Variants in PSKH2 observed in about 807,000 individuals in gnomAD.
PSKH2 encodes the protein protein serine kinase H2, also known as serine/threonine-protein kinase H2.
In PSKH2, 16 loss-of-function variants were observed where a neutral mutation model predicts 22.5. The ratio of observed to expected loss-of-function variants is 0.71; its 90% confidence interval spans 0.48 to 1.08. The LOEUF (loss-of-function observed/expected upper bound fraction) is 1.08, where lower values mean the gene tolerates loss of function less well. Among genes scored for constraint, PSKH2 ranks in the 50% least tolerant of loss-of-function variants. The probability of loss-of-function intolerance (pLI) is 0.00; values close to 1 mark genes in which losing one functional copy is unlikely to be tolerated. For missense variants in PSKH2, 516 were observed against 492.8 expected, an observed-to-expected ratio of 1.05 and a Z score of -0.44; for synonymous variants, 188 against 184.8, an observed-to-expected ratio of 1.02 and a Z score of -0.14.
At position 86,069,478 on chromosome 8, in the gene PSKH2, C is replaced by A; in HGVS notation, c.145G>T (p.Ala49Ser). 2 of 1,603,078 alleles carry A rather than the reference C, an allele frequency of 1.2e-6. No individual in the cohort carries two copies. Among genetic ancestry groups the A allele is most frequent in the Non-Finnish European group, 8.5e-7 (1 of 1,176,474 alleles). Residue 49 changes from alanine to serine, a missense_variant, in exon 1 of 3, where the codon GCT (alanine) becomes TCT (serine). Transcript: ENST00000276616. The stretch of plus-strand genomic sequence containing the variant: ...GGGTCGAACTTGGCTCGGAAGCGAG[C>A]CACCTGTATCCTCTGCGCCGCCTGG... Reference protein sequence around the residue: ...AAQAAQRIQVARFRAKFDPRV... With the variant: ...AAQAAQRIQVSRFRAKFDPRV...
At chr8:86,065,891 G>A (rs1325687681) in intron 1 of PSKH2, among the ~76,000 whole-genome samples, 2 of 152,066 alleles carry the variant, frequency 1.3e-5, no homozygotes, top group African/African-American at 2.4e-5. Flanking sequence ...GATCCCTCGA[G>A]CCCAGGAATT....
At chr8:86,049,645 C>CAG (rs148924805) in intron 2 of PSKH2, among the ~76,000 whole-genome samples, 3 of 100,942 alleles carry the variant, frequency 3.0e-5, no homozygotes, top group South Asian at 3.2e-4. Context: ...GAGGGGAAGG[C>CAG]AGAGAGAGAG....
At chr8:86,065,401 AG>A (rs1817841776) in intron 1 of PSKH2, among the ~76,000 whole-genome samples, 1 of 152,206 alleles carries the variant, frequency 6.6e-6, no homozygotes, top group Admixed American at 6.5e-5. Context: ...CCTTGCAGCC[AG>A]TAGCTTCTCA....
At chr8:86,061,640 A>G (rs1817778689) in intron 2 of PSKH2, among the ~76,000 whole-genome samples, 1 of 152,082 alleles carries the variant, frequency 6.6e-6, no homozygotes, top group South Asian at 2.1e-4. Flanking sequence ...ACATGGAGAA[A>G]CCCGTGGAGG....
In PSKH2 at chr8:86,064,265, T is replaced by A. The variant is rs1158026230; in HGVS notation, c.552A>T (p.Leu184=). 6.2e-7 allele frequency: 1 copy of A among 1,614,206 alleles called. No individual in the cohort carries two copies. Among genetic ancestry groups the A allele is most frequent in the Non-Finnish European group, 8.5e-7 (1 of 1,180,030 alleles). Residue 184 remains leucine (L), a synonymous_variant, in exon 2 of 3, where the codon CTA becomes CTT. Coordinates refer to ENST00000276616, the MANE Select transcript of PSKH2 (RefSeq NM_033126.3). ...GATAGTATAAGAGGTTTTCAGGCTT[T>A]AGATTCCTATGAGTTATCTGCAGCG... The part of the protein sequence containing the change: ...LHALQITHRN[L]KPENLLYYHP...
rs1420543473 is a variant in PSKH2, at chr8:86,069,614, G to T, written c.9C>A (p.Cys3Ter). MG[C>*]GASRKVVPGP... The stretch of plus-strand genomic sequence containing the variant: ...CCGGGACCACCTTCCTGCTGGCGCC[G>T]CACCCCATACCCGCAACACGCCCGC... The change falls in exon 1 of 3, where the codon TGC becomes TGA. Residue 3 changes from cysteine to a stop codon, truncating the protein, a stop_gained. Coordinates refer to ENST00000276616, the MANE Select transcript of PSKH2 (RefSeq NM_033126.3). LOFTEE classifies it high-confidence loss of function. The T allele has an allele frequency of 1.3e-6, 2 of 1,584,514 alleles. No individual in the cohort carries two copies. Among genetic ancestry groups the T allele is most frequent in the Non-Finnish European group, 1.7e-6 (2 of 1,168,526 alleles).
intron 1 of PSKH2, 114 bp from the exon 2 acceptor site, chr8:86,064,745 TTTG>T: frequency 1.2e-6 from 1 of 858,794 alleles, no homozygotes; most frequent in South Asian, 1.8e-5. Context: ...ATCAGATTTA[TTTG>T]TTTATTATTA....
intron 2 of PSKH2, among the ~76,000 whole-genome samples, chr8:86,049,661 G>C (rs2130137830): frequency 7.0e-6 from 1 of 142,236 alleles, no homozygotes; most frequent in East Asian, 2.0e-4. Flanking sequence ...GAGAGAGAGA[G>C]AAAGAGTGAG....
intron 1 of PSKH2, among the ~76,000 whole-genome samples, chr8:86,065,147 A>G (rs1390282027): frequency 6.6e-6 from 1 of 152,218 alleles, no homozygotes; most frequent in Non-Finnish European, 1.5e-5. Flanking sequence ...TCATTCTTCA[A>G]CAACAAACAA....
chr8:86,067,337 C>A (rs7014843), intron 1 of PSKH2, among the ~76,000 whole-genome samples: 6,300 of 150,846 alleles, frequency 0.042, 462 homozygotes, highest in African/African-American at 0.14. Flanking sequence ...TTATGATTTG[C>A]GTGGCTATAC....
intron 2 of PSKH2, 74 bp from the exon 3 acceptor site, chr8:86,048,841 C>G (rs919738143): frequency 3.7e-5 from 47 of 1,286,088 alleles, no homozygotes; most frequent in Non-Finnish European, 4.9e-5. Flanking sequence ...GAATCCTATT[C>G]TTAATTACAT....
rs777075324 is a variant in PSKH2 at position 86,069,626 on chromosome 8, C to G, written c.-4G>C. 1.3e-6 allele frequency: 2 copies of G among 1,545,062 alleles called. No individual in the cohort carries two copies. The highest frequency in any genetic ancestry group is 2.4e-5 in the South Asian group (2 of 83,622). On this transcript the variant is annotated 5_prime_UTR_variant, in exon 1 of 3. Transcript: ENST00000276616. ...TCCTGCTGGCGCCGCACCCCATACC[C>G]GCAACACGCCCGCCGCTCGCGGGAC...
At chr8:86,064,762 G>A (rs1817835656) in intron 1 of PSKH2, 131 bp from the exon 2 acceptor site, 2 of 771,898 alleles carry the variant, frequency 2.6e-6, no homozygotes, top group Non-Finnish European at 2.0e-6. Context: ...ATTATTACTT[G>A]TGTTTATTAT....
rs1483590963 is a variant in PSKH2 at position 86,047,175 on chromosome 8, A to G, written c.*1287T>C. On this transcript the variant is annotated 3_prime_UTR_variant, in exon 3 of 3. Transcript: ENST00000276616. ...ACAAATGAAATGAAGCATTTTTTTCATTTACTCATTAGCCATCTATATGTT... is the reference window on the plus strand; with the variant it reads ...ACAAATGAAATGAAGCATTTTTTTCGTTTACTCATTAGCCATCTATATGTT... 6.6e-6 allele frequency among the ~76,000 whole-genome samples: 1 copy of G among 151,640 alleles called. No homozygotes were observed. The highest frequency in any genetic ancestry group is 1.5e-5 in the Non-Finnish European group (1 of 67,806).
chr8:86,066,645 T>A (rs1418954038), intron 1 of PSKH2, among the ~76,000 whole-genome samples: 1 of 152,120 alleles, frequency 6.6e-6, no homozygotes, highest in East Asian at 1.9e-4. Flanking sequence ...CTTTAAATAG[T>A]CTTACTTCTT....
In PSKH2 at chr8:86,052,278, G is replaced by A. The variant is rs73688574; in HGVS notation, c.853-3511C>T. 9.1e-3 allele frequency among the ~76,000 whole-genome samples: 1,387 copies of A among 152,006 alleles called. 25 individuals carry two copies. Among genetic ancestry groups the A allele is most frequent in the African/African-American group, 0.031 (1,283 of 41,450 alleles). On this transcript the variant is annotated intron_variant, in intron 2 of 2. Transcript: ENST00000276616. Reference sequence around the variant, plus strand: ...CCTTAGAATTTCTCCTCCCAAATTCGGCCACCCCCACTCTTTGCTTCAAAA... The same window carrying A: ...CCTTAGAATTTCTCCTCCCAAATTCAGCCACCCCCACTCTTTGCTTCAAAA...
chr8:86,063,129 C>A (rs1314971631), intron 2 of PSKH2, among the ~76,000 whole-genome samples: 2 of 152,060 alleles, frequency 1.3e-5, no homozygotes, highest in African/African-American at 4.8e-5. Flanking sequence ...ATACATGTAC[C>A]ATAAGGCACT....
At chr8:86,069,759 G>T (rs946599955), upstream of PSKH2, 2 of 1,001,602 alleles carry the variant, frequency 2.0e-6, no homozygotes, top group East Asian at 6.0e-5. Context: ...CGTGGTCAGG[G>T]AGACAGCCCC....
chr8:86,065,381 G>T (rs1166695414), intron 1 of PSKH2, among the ~76,000 whole-genome samples: 2 of 152,172 alleles, frequency 1.3e-5, no homozygotes, highest in Non-Finnish European at 2.9e-5. Context: ...TGGGAGTAGT[G>T]TTAGGGCCAC....
Sources: allele counts gnomAD v4.1 joint callset (sites outside exome capture counted in the v4.1 genomes callset), GRCh38; gene constraint gnomAD v4.1.1; transcripts MANE v1.5; gene names NCBI Gene and HGNC (gene_info 2026-07-23, HGNC 2026-07-21).